MRPS31: variants seen among roughly 807,000 people sequenced by gnomAD.
MRPS31 encodes mitochondrial ribosomal protein S31.
In MRPS31, 32 loss-of-function variants were observed where a neutral mutation model predicts 43.1. The ratio of observed to expected loss-of-function variants is 0.74; its 90% CI spans 0.56 to 1.00. MRPS31 has a LOEUF of 1.00. MRPS31 is among the 50% of genes least tolerant of loss of function. The pLI, the probability that MRPS31 is intolerant of heterozygous loss-of-function variation, is 0.00. For synonymous variants in MRPS31, 165 were observed against 161.6 expected, an observed-to-expected ratio of 1.02 and a Z score of -0.16; for missense variants, 437 against 466.7, an observed-to-expected ratio of 0.94 and a Z score of 0.59.
At chr13:40,735,206 G>A (rs1036160125) in intron 6 of MRPS31, among the ~76,000 whole-genome samples, 3 of 152,228 alleles carry the variant, frequency 2.0e-5, no homozygotes, top group African/African-American at 4.8e-5. Context: ...ACTCCCACCC[G>A]AATACTGCGC....
intron 3 of MRPS31, among the ~76,000 whole-genome samples, chr13:40,757,536 C>A (rs1402687933): frequency 6.7e-6 from 1 of 150,028 alleles, no homozygotes; most frequent in African/African-American, 2.5e-5. Flanking sequence ...CCTCTGCCTC[C>A]CGGGTTCAAG....
At chr13:40,756,809 A>T in intron 4 of MRPS31, 64 bp downstream of exon 4, 3 of 1,553,190 alleles carry the variant, frequency 1.9e-6, no homozygotes, top group Non-Finnish European at 2.6e-6. Context: ...CAATAAGGTA[A>T]ATCTACAGTT....
In MRPS31 at chr13:40,730,324, C is replaced by G. The variant is rs552800832; in HGVS notation, c.959-723G>C. Reference sequence around the variant, plus strand: ...CTCACTCAAGGTCAGGAGTTCAAGACAAGCCTGGCCAACATGGTGAAACCC... The same window carrying G: ...CTCACTCAAGGTCAGGAGTTCAAGAGAAGCCTGGCCAACATGGTGAAACCC... On this transcript the variant is annotated intron_variant, in intron 6 of 6. Transcript: ENST00000323563. Among the ~76,000 whole-genome samples, 3 of 151,884 alleles carry G rather than the reference C, an allele frequency of 2.0e-5. No individual in the cohort carries two copies. In the South Asian group the frequency reaches 6.2e-4, roughly 32 times the overall value.
At chr13:40,766,324 G>C (rs933071506) in intron 2 of MRPS31, among the ~76,000 whole-genome samples, 1 of 152,024 alleles carries the variant, frequency 6.6e-6, no homozygotes, top group Non-Finnish European at 1.5e-5. Context: ...ACAGAGTCTC[G>C]CTTGATCCCC....
chr13:40,770,850 A>C, intron 1 of MRPS31, 135 bp downstream of exon 1: 3 of 1,184,526 alleles, frequency 2.5e-6, no homozygotes, highest in Non-Finnish European at 3.7e-6. Context: ...ACCTTGGGCA[A>C]GTCATCTTTT....
intron 2 of MRPS31, among the ~76,000 whole-genome samples, chr13:40,766,437 G>C (rs913571832): frequency 6.6e-6 from 1 of 152,110 alleles, no homozygotes; most frequent in Non-Finnish European, 1.5e-5. Context: ...GGGATTACAA[G>C]CACGCACCAC....
chr13:40,757,060 A>G, intron 3 of MRPS31, 47 bp from the exon 4 acceptor site: 2 of 1,435,194 alleles, frequency 1.4e-6, no homozygotes, highest in Non-Finnish European at 1.9e-6. Flanking sequence ...TAGCTACAGA[A>G]CAGTAATAAA....
intron 3 of MRPS31, 120 bp from the exon 4 acceptor site, chr13:40,757,133 C>A (rs1015982923): frequency 1.4e-5 from 10 of 704,190 alleles, no homozygotes; most frequent in African/African-American, 1.8e-5. Context: ...ACTAATTACA[C>A]AGCATAAAAT....
intron 2 of MRPS31, among the ~76,000 whole-genome samples, chr13:40,766,494 A>G (rs1880852019): frequency 6.6e-6 from 1 of 152,036 alleles, no homozygotes; most frequent in Middle Eastern, 3.4e-3. Context: ...GGGTTTCACC[A>G]TGTTGGCCAG....
intron 6 of MRPS31, among the ~76,000 whole-genome samples, chr13:40,744,371 A>G (rs1198992342): frequency 6.6e-6 from 1 of 152,222 alleles, no homozygotes; most frequent in Non-Finnish European, 1.5e-5. Flanking sequence ...AAATAAAAAA[A>G]TAGGAAGAAA....
intron 2 of MRPS31, among the ~76,000 whole-genome samples, chr13:40,765,780 T>G (rs557051806): frequency 6.6e-6 from 1 of 152,226 alleles, no homozygotes; most frequent in Non-Finnish European, 1.5e-5. Context: ...TAAAGCCACA[T>G]AGCTTACTAC....
intron 6 of MRPS31, among the ~76,000 whole-genome samples, chr13:40,741,176 G>A (rs1001692457): frequency 1.3e-5 from 2 of 151,706 alleles, no homozygotes; most frequent in Non-Finnish European, 2.9e-5. Flanking sequence ...AAAAACTGTT[G>A]GCTCTGAGAA....
chr13:40,736,108 C>T (rs1879896510), intron 6 of MRPS31, among the ~76,000 whole-genome samples: 1 of 147,658 alleles, frequency 6.8e-6, no homozygotes, highest in African/African-American at 2.5e-5. Flanking sequence ...AGCTGAAAAC[C>T]AAGGCTCGAG....
At chr13:40,736,183 A>C (rs993508136) in intron 6 of MRPS31, among the ~76,000 whole-genome samples, 3 of 152,124 alleles carry the variant, frequency 2.0e-5, no homozygotes, top group Admixed American at 2.0e-4. Context: ...GGGTATCAGC[A>C]ATGGAAGATG....
intron 2 of MRPS31, among the ~76,000 whole-genome samples, chr13:40,763,025 T>C (rs181216567): frequency 2.6e-5 from 4 of 152,328 alleles, no homozygotes; most frequent in Non-Finnish European, 4.4e-5. Context: ...CCAGAGATAA[T>C]CTAAATTTCC....
chr13:40,757,970 G>T (rs1164821083), intron 3 of MRPS31, among the ~76,000 whole-genome samples: 1 of 151,104 alleles, frequency 6.6e-6, no homozygotes, highest in Non-Finnish European at 1.5e-5. Context: ...GTGAAACACT[G>T]TCTCTACTAA....
At chr13:40,729,634 A>G (rs1879613869) in intron 6 of MRPS31, 33 bp from the exon 7 acceptor site, 8 of 1,289,662 alleles carry the variant, frequency 6.2e-6, no homozygotes, top group Non-Finnish European at 6.7e-6. Context: ...TTACATTATA[A>G]TTTTAAATAC....
intron 2 of MRPS31, among the ~76,000 whole-genome samples, chr13:40,765,997 T>C (rs1880834463): frequency 6.6e-6 from 1 of 152,228 alleles, no homozygotes; most frequent in Non-Finnish European, 1.5e-5. Flanking sequence ...GGAAGTCATA[T>C]AAAGCAATTG....
At position 40,744,678 on chromosome 13, in the gene MRPS31, A is replaced by T. The variant is rs150963519; in HGVS notation, c.958+4460T>A. 9.9e-4 allele frequency among the ~76,000 whole-genome samples: 151 copies of T among 152,090 alleles called. 2 individuals carry two copies. The South Asian group carries it at 0.013, about 13-fold the overall frequency. ...TATGTTCACTGCAGCACTATTCACAATAGCAAAGACATTATACACTCCACC... is the reference window on the plus strand; with the variant it reads ...TATGTTCACTGCAGCACTATTCACATTAGCAAAGACATTATACACTCCACC... On this transcript the variant is annotated intron_variant, in intron 6 of 6. Coordinates refer to ENST00000323563, the MANE Select transcript of MRPS31 (RefSeq NM_005830.4).
Sources: gnomAD v4.1 joint callset for allele counts (sites outside exome capture counted in the v4.1 genomes callset) on GRCh38, gnomAD v4.1.1 for gene constraint, MANE v1.5 for transcripts, NCBI Gene and HGNC (gene_info 2026-07-23, HGNC 2026-07-21) for gene names.